The following CHIA variants were observed in gnomAD, a reference collection of about 807,000 sequenced individuals.
The protein encoded by CHIA is chitinase acidic.
Under a neutral mutation model 53.5 loss-of-function variants are expected in CHIA, and 47 were observed. The ratio of observed to expected loss-of-function variants is 0.88; its 90% CI spans 0.70 to 1.12. CHIA has a LOEUF of 1.12. CHIA is among the 50% of genes most tolerant of loss of function. CHIA has a pLI of 0.00. For synonymous variants in CHIA, 268 were observed against 222.2 expected (o/e 1.21, Z -1.83); for missense variants, 652 against 592.2 (o/e 1.10, Z -1.05).
At position 111,320,351 on chromosome 1, in the gene CHIA, C is replaced by T. The variant is rs143551303; in HGVS notation, c.1316C>T (p.Pro439Leu). The part of the protein sequence containing the change: ...FCAVRANGLY[P>L]VANNRNAFWH... Reference sequence around the variant, plus strand: ...GCTGTCAGAGCCAACGGCCTCTACCCCGTGGCAAATAACAGAAATGCCTTC... The same window carrying T: ...GCTGTCAGAGCCAACGGCCTCTACCTCGTGGCAAATAACAGAAATGCCTTC... Residue 439 changes from proline (P) to leucine (L), a missense_variant, in exon 12 of 12, where the codon CCC (proline) becomes CTC (leucine). Physicochemically the swap from Pro to Leu is moderately conservative, Grantham distance 98. Transcript: ENST00000369740. 6.2e-7 allele frequency: 1 copy of T among 1,614,222 alleles called. No homozygotes were observed. Among genetic ancestry groups the T allele is most frequent in the Non-Finnish European group, 8.5e-7 (1 of 1,180,040 alleles).
chr1:111,318,682 T>C lies in CHIA; in HGVS notation c.915+4T>C, dbSNP rs769409428. The C allele has an allele frequency of 1.9e-6, 3 of 1,611,366 alleles. No homozygotes were observed. Among genetic ancestry groups the C allele is most frequent in the African/African-American group, 1.3e-5 (1 of 75,014 alleles). On this transcript the variant is annotated splice_donor_region_variant and intron_variant, in intron 9 of 11. Coordinates refer to ENST00000369740, the MANE Select transcript of CHIA (RefSeq NM_201653.4). ...TGGGATCTGGGCTTACTACGAGGTATGTAGATTGGACTGAAAAGTGCTCTG... is the reference window on the plus strand; with the variant it reads ...TGGGATCTGGGCTTACTACGAGGTACGTAGATTGGACTGAAAAGTGCTCTG...
rs1185410957 is a variant in CHIA at position 111,290,855 on chromosome 1, G to A, written c.-164G>A. On this transcript the variant is annotated 5_prime_UTR_variant, in exon 1 of 12. Transcript: ENST00000369740. ...AGCTAGAGTCCCAGACGGTGCCAAA[G>A]CTTCATGAAACCTCCTCGTCTGTGC... is the stretch of plus-strand genomic sequence containing the variant. 1 of 440,668 alleles carries A rather than the reference G, an allele frequency of 2.3e-6. No homozygotes were observed. Among genetic ancestry groups the A allele is most frequent in the African/African-American group, 2.1e-5 (1 of 47,048 alleles). The allele number at this position is 440,668 out of a possible 1,614,324, so 27.3% of individuals were successfully genotyped here.
Position 111,320,448 on chromosome 1 carries a change from T to C in CHIA, c.1413T>C (p.Asp471=). 3.1e-6 allele frequency: 5 copies of C among 1,614,094 alleles called. No individual in the cohort carries two copies. The highest frequency in any genetic ancestry group is 1.1e-5 in the South Asian group (1 of 91,090). Reference sequence around the variant, plus strand: ...GGCTTGTCTTCGACACCAGCTGTGATTGCTGCAACTGGGCATAAACCTGAC... The same window carrying C: ...GGCTTGTCTTCGACACCAGCTGTGACTGCTGCAACTGGGCATAAACCTGAC... The part of the protein sequence containing the change: ...QAGLVFDTSC[D]CCNWA Residue 471 remains aspartate (D), a synonymous_variant, in exon 12 of 12, where the codon GAT becomes GAC. Transcript: ENST00000369740.
chr1:111,308,766 C>T (rs547649017), intron 1 of CHIA, among the ~76,000 whole-genome samples: 1 of 152,280 alleles, frequency 6.6e-6, no homozygotes, highest in East Asian at 1.9e-4. Context: ...TCCCACACCC[C>T]TCCCCATAGA....
chr1:111,301,543 CA>C (rs983563299), intron 1 of CHIA, among the ~76,000 whole-genome samples: 12 of 149,852 alleles, frequency 8.0e-5, no homozygotes, highest in East Asian at 5.9e-4. Flanking sequence ...ACTTAAAATA[CA>C]AAAAAAAATT....
intron 1 of CHIA, among the ~76,000 whole-genome samples, chr1:111,295,244 A>G (rs910584044): frequency 6.6e-6 from 1 of 152,146 alleles, no homozygotes; most frequent in African/African-American, 2.4e-5. Context: ...GCAGTGGCAC[A>G]ATCACAGCTC....
chr1:111,302,511 A>G (rs527397305), intron 1 of CHIA, among the ~76,000 whole-genome samples: 1 of 152,230 alleles, frequency 6.6e-6, no homozygotes, highest in East Asian at 1.9e-4. Context: ...TCTTTAATCT[A>G]TTATTAAGAG....
At chr1:111,314,476 T>C (rs371962718) in intron 4 of CHIA, 64 bp from the exon 5 acceptor site, 193 of 1,106,582 alleles carry the variant, frequency 1.7e-4, no homozygotes, top group Middle Eastern at 4.0e-4. Context: ...ACTAAAGCAA[T>C]GTATTTTAAA....
intron 11 of CHIA, 140 bp downstream of exon 11, chr1:111,319,608 C>T (rs1649487205): frequency 1.3e-6 from 1 of 785,480 alleles, no homozygotes; most frequent in East Asian, 2.7e-5. Context: ...AGATGAGAGA[C>T]AGGTTTTACC....
chr1:111,296,801 C>T (rs548594487), intron 1 of CHIA, among the ~76,000 whole-genome samples: 2 of 152,210 alleles, frequency 1.3e-5, no homozygotes, highest in East Asian at 3.9e-4. Flanking sequence ...TGTTTGAACC[C>T]ATCACAAGGA....
intron 1 of CHIA, among the ~76,000 whole-genome samples, chr1:111,291,828 G>T (rs1373491372): frequency 1.8e-5 from 2 of 110,734 alleles, no homozygotes; most frequent in Non-Finnish European, 3.9e-5. Context: ...ACTGGGGCCT[G>T]TCGGGGGGGG....
intron 1 of CHIA, among the ~76,000 whole-genome samples, chr1:111,294,225 A>G (rs551473487): frequency 6.6e-6 from 1 of 152,154 alleles, no homozygotes; most frequent in South Asian, 2.1e-4. Flanking sequence ...ATTTATTCAC[A>G]TTTTCTTTAT....
intron 1 of CHIA, among the ~76,000 whole-genome samples, chr1:111,298,041 T>C (rs893656441): frequency 7.3e-5 from 11 of 151,164 alleles, no homozygotes; most frequent in Non-Finnish European, 1.3e-4. Context: ...CAGGAAGAGC[T>C]AACTATCCTA....
intron 1 of CHIA, among the ~76,000 whole-genome samples, chr1:111,294,995 CCTGTATGTTTAT>C (rs1431412565): frequency 6.6e-6 from 1 of 152,086 alleles, no homozygotes. Flanking sequence ...CTGTAGTTTA[CCTGTATGTTTAT>C]CTGGCTTTGA....
chr1:111,318,591 C>T lies in CHIA; in HGVS notation c.828C>T (p.Pro276=), dbSNP rs751190788. Residue 276 remains proline (P), a synonymous_variant, in exon 9 of 12, where the codon CCC becomes CCT. Transcript: ENST00000369740. ...GACACAACTTCATCCTGAGCAACCC[C>T]TCCAACACTGGAATTGGTGCCCCCA... ...TYGHNFILSN[P]SNTGIGAPTS... 9.9e-5 allele frequency: 160 copies of T among 1,614,108 alleles called. No individual in the cohort carries two copies. Among genetic ancestry groups the T allele is most frequent in the African/African-American group, 1.7e-4 (13 of 74,932 alleles).
At chr1:111,308,835 T>A (rs981477887) in intron 1 of CHIA, among the ~76,000 whole-genome samples, 2 of 152,230 alleles carry the variant, frequency 1.3e-5, no homozygotes, top group African/African-American at 2.4e-5. Flanking sequence ...TTCTGTGAGT[T>A]TCTTCATGTC....
chr1:111,319,551 C>T, intron 11 of CHIA, 83 bp downstream of exon 11: 2 of 1,345,966 alleles, frequency 1.5e-6, no homozygotes, highest in Non-Finnish European at 2.1e-6. Context: ...TCCCACCTCC[C>T]CCTTGCCCAG....
At chr1:111,319,854 A>T (rs1236652433) in intron 11 of CHIA, among the ~76,000 whole-genome samples, 5 of 152,208 alleles carry the variant, frequency 3.3e-5, no homozygotes, top group Admixed American at 6.5e-5. Context: ...GATTCAGGGG[A>T]TGTATCAATT....
chr1:111,297,913 A>AAAAAAAAAAAAAAAAAAG (rs1647327215), intron 1 of CHIA, among the ~76,000 whole-genome samples: 1 of 148,346 alleles, frequency 6.7e-6, no homozygotes. Flanking sequence ...AAAAAAAAAA[A>AAAAAAAAAAAAAAAAAAG]AAAAAAAAAA....
Sources: gnomAD v4.1 joint callset for allele counts (sites outside exome capture counted in the v4.1 genomes callset) on GRCh38, gnomAD v4.1.1 for gene constraint, MANE v1.5 for transcripts, NCBI Gene and HGNC (gene_info 2026-07-23, HGNC 2026-07-21) for gene names.